KLHL24: variants seen among roughly 807,000 people sequenced by gnomAD.
KLHL24 encodes the protein kelch like family member 24, also known as kelch-like protein 24.
In KLHL24, 29 loss-of-function variants were observed where a neutral mutation model predicts 53.4. That is an observed-to-expected ratio of 0.54 (90% CI 0.40 to 0.74). The LOEUF is 0.74. KLHL24 is among the 30% of genes least tolerant of loss of function. KLHL24 has a pLI of 0.00. For missense variants in KLHL24, 504 were observed against 744.0 expected (o/e 0.68, Z 3.75); for synonymous variants, 222 against 253.7 (o/e 0.88, Z 1.19).
chr3:183,637,630 C>A (rs1396237071), intron 1 of KLHL24, among the ~76,000 whole-genome samples: 3 of 152,128 alleles, frequency 2.0e-5, no homozygotes, highest in Non-Finnish European at 4.4e-5. Context: ...GGAATTCACT[C>A]AAGACTTAAT....
chr3:183,676,438 ATTG>A (rs1711893067), intron 7 of KLHL24, among the ~76,000 whole-genome samples: 1 of 152,196 alleles, frequency 6.6e-6, no homozygotes, highest in Admixed American at 6.5e-5. Flanking sequence ...GCCGTGTGTG[ATTG>A]TTTACCCTTT....
In KLHL24 at chr3:183,663,942, A is replaced by G. The variant is rs1156911190; in HGVS notation, c.1105+300A>G. Among the ~76,000 whole-genome samples, 1 of 152,138 alleles carries G rather than the reference A, an allele frequency of 6.6e-6. No homozygotes were observed. The highest frequency in any genetic ancestry group is 1.5e-5 in the Non-Finnish European group (1 of 68,018). ...CCCATCTCTACTAAAAAATACAAAA[A>G]TTAGCCAGGTGTGGTAGTGGGCAAC... On this transcript the variant is annotated intron_variant, in intron 4 of 7. Coordinates refer to ENST00000242810, the MANE Select transcript of KLHL24 (RefSeq NM_017644.3). This position sits in a 1 kb window ranked among gnomAD's most constrained non-coding sequence, Gnocchi z 4.9.
intron 5 of KLHL24, among the ~76,000 whole-genome samples, chr3:183,670,264 CA>C (rs1165502095): frequency 6.6e-5 from 10 of 151,538 alleles, no homozygotes; most frequent in Non-Finnish European, 1.3e-4. Context: ...GACCCATCTC[CA>C]AAAAAAGAAA....
intron 1 of KLHL24, among the ~76,000 whole-genome samples, chr3:183,638,659 A>G (rs143615052): frequency 3.0e-3 from 463 of 152,328 alleles, no homozygotes; most frequent in African/African-American, 0.011. Flanking sequence ...CCTATTAAAA[A>G]CACATTAAGT....
At chr3:183,673,562 G>A (rs1266019458) in intron 7 of KLHL24, among the ~76,000 whole-genome samples, 1 of 152,068 alleles carries the variant, frequency 6.6e-6, no homozygotes, top group Admixed American at 6.5e-5. Context: ...TTTCATCCAT[G>A]TATTCTAACC....
At chr3:183,656,999 A>G (rs1393616289) in intron 3 of KLHL24, among the ~76,000 whole-genome samples, 1 of 152,078 alleles carries the variant, frequency 6.6e-6, no homozygotes, top group Non-Finnish European at 1.5e-5. Context: ...GCTTTACTCC[A>G]AATACTGATT....
intron 1 of KLHL24, among the ~76,000 whole-genome samples, chr3:183,636,992 A>G (rs1048702816): frequency 3.9e-5 from 6 of 152,110 alleles, no homozygotes; most frequent in Admixed American, 1.3e-4. Flanking sequence ...GTGTCGCGTT[A>G]TCTGCCGGGT....
chr3:183,672,560 A>C, intron 7 of KLHL24, 76 bp downstream of exon 7: 1 of 1,063,628 alleles, frequency 9.4e-7, no homozygotes, highest in Non-Finnish European at 1.3e-6. Flanking sequence ...AATACACTGG[A>C]ATTTCAATTT....
chr3:183,648,335 G>C (rs1457482118), intron 2 of KLHL24, among the ~76,000 whole-genome samples: 1 of 152,170 alleles, frequency 6.6e-6, no homozygotes, highest in Non-Finnish European at 1.5e-5. Context: ...ATTTCCCTTT[G>C]TGTCACTTAA....
chr3:183,663,464 TG>T lies in KLHL24; in HGVS notation c.929del (p.Gly310AlafsTer5). On this transcript the variant is annotated frameshift_variant, in exon 4 of 8. Coordinates refer to ENST00000242810, the MANE Select transcript of KLHL24 (RefSeq NM_017644.3). LOFTEE classifies it high-confidence loss of function. The surrounding 1 kb of genome is among the most constrained non-coding windows in gnomAD (Gnocchi z 4.9). ...CTAATAATTATTATTTTAGGTCCAC[TG>T]GCTATTCTGAGGTGATAGTTGTCGT... is the stretch of plus-strand genomic sequence containing the variant. ...SPRTRPRRSTGYSEVIVVVGG... is the reference protein window; with the variant it reads ...SPRTRPRRSTXYSEVIVVVGG... The T allele has an allele frequency of 6.8e-7, 1 of 1,468,612 alleles. No individual in the cohort carries two copies. Among genetic ancestry groups the T allele is most frequent in the Non-Finnish European group, 9.1e-7 (1 of 1,096,350 alleles). 91.0% of individuals were successfully genotyped at this position (1,468,612 alleles called of 1,614,324 possible).
chr3:183,673,063 G>A (rs1461967176), intron 7 of KLHL24: 1 of 151,704 alleles, frequency 6.6e-6, no homozygotes, highest in African/African-American at 2.4e-5. Flanking sequence ...AAATTAGCTG[G>A]GTTTGGTGGC....
At chr3:183,639,352 C>T (rs548552134) in intron 1 of KLHL24, among the ~76,000 whole-genome samples, 3 of 150,910 alleles carry the variant, frequency 2.0e-5, no homozygotes, top group African/African-American at 4.9e-5. Context: ...AATTTGTGGC[C>T]GGGCGCGGTG....
At position 183,680,585 on chromosome 3, in the gene KLHL24, A is replaced by T. The variant is rs897058936; in HGVS notation, c.*1299A>T. 1 of 152,220 alleles carries T rather than the reference A, an allele frequency of 6.6e-6. No individual in the cohort carries two copies. Among genetic ancestry groups the T allele is most frequent in the African/African-American group, 2.4e-5 (1 of 41,464 alleles). 9.4% of individuals were successfully genotyped at this position (152,220 alleles called of 1,614,324 possible). A position where few individuals can be genotyped will look rare whatever the true frequency, so the allele number is the denominator to read the frequency against. Reference sequence around the variant, plus strand: ...TTTGGTCCCCATTGTGTAAAATACTAATCAACATTTTCAAGCTTCTGTACA... The same window carrying T: ...TTTGGTCCCCATTGTGTAAAATACTTATCAACATTTTCAAGCTTCTGTACA... On this transcript the variant is annotated 3_prime_UTR_variant, in exon 8 of 8. Transcript: ENST00000242810.
intron 1 of KLHL24, among the ~76,000 whole-genome samples, chr3:183,641,906 C>G (rs1326456056): frequency 1.3e-5 from 2 of 152,154 alleles, no homozygotes; most frequent in Admixed American, 6.5e-5. Flanking sequence ...TTACCCTTAC[C>G]GATTAGGTTG....
chr3:183,670,747 A>C (rs1721229513), intron 5 of KLHL24, among the ~76,000 whole-genome samples: 2 of 152,228 alleles, frequency 1.3e-5, no homozygotes, highest in African/African-American at 4.8e-5. Flanking sequence ...TGTAAAGAAC[A>C]GATATACATA....
At position 183,672,323 on chromosome 3, in the gene KLHL24, T is replaced by C. The variant is rs1216046584; in HGVS notation, c.1441T>C (p.Ser481Pro). The C allele has an allele frequency of 6.2e-7, 1 of 1,600,798 alleles. No homozygotes were observed. The highest frequency in any genetic ancestry group is 8.5e-7 in the Non-Finnish European group (1 of 1,173,026). The change falls in exon 7 of 8, where the codon TCT (serine) becomes CCT (proline). Residue 481 changes from serine to proline, a missense_variant. Physicochemically the swap from Ser to Pro is moderately conservative, Grantham distance 74. Transcript: ENST00000242810. Reference sequence around the variant, plus strand: ...TCAATCTTATGATCCAGAAACCAATTCTTGGCTACTTCGTGCAGCTATCCC... The same window carrying C: ...TCAATCTTATGATCCAGAAACCAATCCTTGGCTACTTCGTGCAGCTATCCC... ...KVQSYDPETN[S>P]WLLRAAIPIA...
chr3:183,646,873 G>A (rs56237221), intron 2 of KLHL24, among the ~76,000 whole-genome samples: 2 of 151,736 alleles, frequency 1.3e-5, no homozygotes, highest in South Asian at 2.1e-4. Context: ...GCAGTGGCGC[G>A]ATCTAGGCTC....
chr3:183,648,039 A>G, intron 2 of KLHL24, among the ~76,000 whole-genome samples: 1 of 152,148 alleles, frequency 6.6e-6, no homozygotes, highest in East Asian at 1.9e-4. Context: ...AAAAACTCCA[A>G]TAGCAATATC....
At chr3:183,668,237 C>T (rs1304423004) in intron 5 of KLHL24, among the ~76,000 whole-genome samples, 1 of 151,784 alleles carries the variant, frequency 6.6e-6, no homozygotes, top group African/African-American at 2.4e-5. Context: ...AAAAGAGGGG[C>T]TAAAATAATC....
Sources: gnomAD v4.1 joint callset for allele counts (sites outside exome capture counted in the v4.1 genomes callset) on GRCh38, gnomAD v4.1.1 for gene constraint, Gnocchi (gnomAD v3.1) non-coding constraint, MANE v1.5 for transcripts, NCBI Gene and HGNC (gene_info 2026-07-23, HGNC 2026-07-21) for gene names.